The following BLOC1S3 variants were observed in gnomAD, a reference collection of about 807,000 sequenced individuals.
BLOC1S3 encodes the protein biogenesis of lysosome-related organelles complex 1 subunit 3.
Under a neutral mutation model 9.1 loss-of-function variants are expected in BLOC1S3, and 7 were observed. That is an observed-to-expected ratio of 0.77 (90% CI 0.44 to 1.45). The LOEUF (loss-of-function observed/expected upper bound fraction) is 1.45. BLOC1S3 is among the 40% of genes most tolerant of loss of function. The pLI, the probability that BLOC1S3 is intolerant of heterozygous loss-of-function variation, is 0.01. For synonymous variants in BLOC1S3, 145 were observed against 158.4 expected, an observed-to-expected ratio of 0.92 and a Z score of 0.64; for missense variants, 307 against 315.2, an observed-to-expected ratio of 0.97 and a Z score of 0.20.
intron 3 of BLOC1S3, among the ~76,000 whole-genome samples, chr19:45,210,840 A>G (rs1457541511): frequency 6.6e-6 from 1 of 152,226 alleles, no homozygotes; most frequent in East Asian, 1.9e-4. Context: ...TTCAACGCCT[A>G]CAGGGCAGTG....
At chr19:45,210,612 TC>T (rs991201376) in intron 3 of BLOC1S3, among the ~76,000 whole-genome samples, 8 of 151,798 alleles carry the variant, frequency 5.3e-5, no homozygotes, top group African/African-American at 1.9e-4. Context: ...TTTTTTTTTT[TC>T]TTTTTTAATG....
chr19:45,203,421 G>A (rs140427268), intron 3 of BLOC1S3, among the ~76,000 whole-genome samples: 1,523 of 152,072 alleles, frequency 0.01, 32 homozygotes, highest in African/African-American at 0.034. Flanking sequence ...TTACAGGCGT[G>A]CGCCACCATT....
In BLOC1S3 at chr19:45,179,353, G is replaced by A; in HGVS notation, c.57G>A (p.Pro19=). 3 of 1,585,780 alleles carry A rather than the reference G, an allele frequency of 1.9e-6. No individual in the cohort carries two copies. The highest frequency in any genetic ancestry group is 8.5e-7 in the Non-Finnish European group (1 of 1,174,364). Residue 19 remains proline (P), a synonymous_variant, in exon 2 of 2, where the codon CCG becomes CCA. Coordinates refer to ENST00000433642, the MANE Select transcript of BLOC1S3 (RefSeq NM_212550.5). This position sits in a 1 kb window ranked among gnomAD's most constrained non-coding sequence, Gnocchi z 4.6. ...TGCGGAGGCCGGAGACGGTGGTGCC[G>A]GGGGAGGCGACCGAGACGGATTCCG... ...RPLRRPETVV[P]GEATETDSER...
intron 2 of BLOC1S3, among the ~76,000 whole-genome samples, chr19:45,191,625 G>A (rs1350113359): frequency 6.6e-6 from 1 of 152,236 alleles, no homozygotes; most frequent in Non-Finnish European, 1.5e-5. Flanking sequence ...AGTCACTGCA[G>A]CTGTATCTGC....
At chr19:45,201,458 G>A (rs773117602) in intron 2 of BLOC1S3, among the ~76,000 whole-genome samples, 4 of 152,126 alleles carry the variant, frequency 2.6e-5, no homozygotes, top group African/African-American at 4.8e-5. Flanking sequence ...CCCAGGGCCC[G>A]TGGCAACCAC....
downstream of BLOC1S3, among the ~76,000 whole-genome samples, chr19:45,184,072 C>T (rs1969548202): frequency 6.6e-6 from 1 of 152,192 alleles, no homozygotes; most frequent in South Asian, 2.1e-4. Flanking sequence ...CTCCAGCTCA[C>T]TAGCCAGGCC....
At chr19:45,198,588 C>T (rs867683358) in intron 2 of BLOC1S3, among the ~76,000 whole-genome samples, 7 of 152,238 alleles carry the variant, frequency 4.6e-5, no homozygotes, top group African/African-American at 1.7e-4. Context: ...GCCGCCGCAC[C>T]CAGCCAACTT....
intron 2 of BLOC1S3, among the ~76,000 whole-genome samples, chr19:45,193,141 A>C (rs968234178): frequency 2.4e-5 from 3 of 127,514 alleles, no homozygotes; most frequent in East Asian, 1.9e-4. Context: ...TCAAAAAAAA[A>C]AAAAAAAAAA....
intron 2 of BLOC1S3, among the ~76,000 whole-genome samples, chr19:45,202,014 G>T (rs1969694665): frequency 6.6e-6 from 1 of 151,888 alleles, no homozygotes; most frequent in African/African-American, 2.4e-5. Flanking sequence ...ATGAGGTCAG[G>T]AGATCGAGAC....
intron 2 of BLOC1S3, among the ~76,000 whole-genome samples, chr19:45,194,041 G>T (rs566376278): frequency 2.2e-5 from 3 of 137,580 alleles, no homozygotes; most frequent in Admixed American, 7.8e-5. Context: ...CTGACCTCAC[G>T]ATCCGCCCTC....
chr19:45,215,818 C>T (rs908450466), intron 3 of BLOC1S3, among the ~76,000 whole-genome samples: 3 of 152,194 alleles, frequency 2.0e-5, no homozygotes, highest in Admixed American at 1.3e-4. Context: ...GGCAGCCCTG[C>T]GCCCCCCTGC....
At chr19:45,213,897 T>C (rs1477867435) in intron 3 of BLOC1S3, among the ~76,000 whole-genome samples, 1 of 151,776 alleles carries the variant, frequency 6.6e-6, no homozygotes, top group Non-Finnish European at 1.5e-5. Flanking sequence ...GAGGTTGCAG[T>C]GAGCTGAGAT....
Position 45,204,186 on chromosome 19 carries a change from CTT to C in BLOC1S3, n.282+1695_282+1696del, listed in dbSNP as rs372532919. 4.7e-3 allele frequency among the ~76,000 whole-genome samples: 576 copies of C among 121,590 alleles called. 4 individuals are homozygous for C. The highest frequency in any genetic ancestry group is 0.016 in the African/African-American group (509 of 31,424). 79.8% of individuals were successfully genotyped at this position (121,590 alleles called of 152,430 possible). A position where few individuals can be genotyped will look rare whatever the true frequency, so the allele number is the denominator to read the frequency against. ...CACACCCGGCTGATTTTTGTTTTGCCTTTTTTTTTTTTTTTTTCTGAGATGGA... is the reference window on the plus strand; with the variant it reads ...CACACCCGGCTGATTTTTGTTTTGCCTTTTTTTTTTTTTTTCTGAGATGGA... On this transcript the variant is annotated intron_variant and non_coding_transcript_variant, in intron 3 of 3. Coordinates refer to the BLOC1S3 transcript ENST00000591569.
chr19:45,195,995 A>G (rs1441812757), intron 2 of BLOC1S3, among the ~76,000 whole-genome samples: 1 of 152,226 alleles, frequency 6.6e-6, no homozygotes, highest in Non-Finnish European at 1.5e-5. Context: ...GCCATCTGCT[A>G]GTCATTCCCC....
At chr19:45,203,370 T>C (rs1031702120) in intron 3 of BLOC1S3, among the ~76,000 whole-genome samples, 3 of 152,014 alleles carry the variant, frequency 2.0e-5, no homozygotes, top group African/African-American at 7.2e-5. Context: ...GCCTCTTGGG[T>C]TCAAGCGATT....
chr19:45,182,201 G>A (rs898740310), downstream of BLOC1S3, among the ~76,000 whole-genome samples: 4 of 151,940 alleles, frequency 2.6e-5, no homozygotes, highest in Non-Finnish European at 5.9e-5. Flanking sequence ...AATTTTGGGC[G>A]ATGTATCACG....
At chr19:45,184,468 T>G (rs1339331670), downstream of BLOC1S3, among the ~76,000 whole-genome samples, 1 of 151,890 alleles carries the variant, frequency 6.6e-6, no homozygotes, top group African/African-American at 2.4e-5. Context: ...TAGCTGAGCG[T>G]GGTGGTGTGC....
At chr19:45,191,582 T>A (rs1969607638) in intron 2 of BLOC1S3, among the ~76,000 whole-genome samples, 1 of 152,206 alleles carries the variant, frequency 6.6e-6, no homozygotes, top group South Asian at 2.1e-4. Flanking sequence ...TTCCAGGTAT[T>A]GAAAAGACTT....
At position 45,180,139 on chromosome 19, in the gene BLOC1S3, A is replaced by AC; in HGVS notation, c.*237dup. 2.3e-6 allele frequency: 1 copy of AC among 440,188 alleles called. No individual in the cohort carries two copies. The highest frequency in any genetic ancestry group is 4.1e-6 in the Non-Finnish European group (1 of 245,374). 27.3% of individuals were successfully genotyped at this position (440,188 alleles called of 1,614,324 possible). ...AGATCTGGTTCCTCTCCCGATCCTG[A>AC]CCCTGCCGCCTGGTTCTGAGCCTTC... On this transcript the variant is annotated 3_prime_UTR_variant, in exon 2 of 2. Transcript: ENST00000433642.
Sources: gnomAD v4.1 joint callset for allele counts (sites outside exome capture counted in the v4.1 genomes callset) on GRCh38, gnomAD v4.1.1 for gene constraint, Gnocchi (gnomAD v3.1) non-coding constraint, MANE v1.5 for transcripts, NCBI Gene and HGNC (gene_info 2026-07-23, HGNC 2026-07-21) for gene names.